TMEM38B: variants seen among roughly 807,000 people sequenced by gnomAD.
The protein encoded by TMEM38B is trimeric intracellular cation channel type B.
Under a neutral mutation model 28.7 loss-of-function variants are expected in TMEM38B, and 24 were observed. The observed-to-expected ratio is 0.84, with a 90% CI of 0.61 to 1.18. The LOEUF (loss-of-function observed/expected upper bound fraction) is 1.18. Among genes scored for constraint, TMEM38B ranks in the 50% most tolerant of loss-of-function variants. The pLI is 0.00. For synonymous variants in TMEM38B, 131 were observed against 127.7 expected (o/e 1.03, Z -0.17); for missense variants, 380 against 350.9 (o/e 1.08, Z -0.66).
intron 4 of TMEM38B, among the ~76,000 whole-genome samples, chr9:105,725,857 C>G (rs1191593807): frequency 2.6e-5 from 4 of 152,070 alleles, no homozygotes; most frequent in Admixed American, 2.0e-4. Context: ...TTAGTGTGCA[C>G]TACTGTAGAC....
At chr9:105,766,334 A>G (rs1052038982) in intron 5 of TMEM38B, among the ~76,000 whole-genome samples, 4 of 152,128 alleles carry the variant, frequency 2.6e-5, no homozygotes, top group Non-Finnish European at 5.9e-5. Flanking sequence ...ATCGCATTAT[A>G]GTTTTCTTTT....
chr9:105,728,873 T>G lies in TMEM38B; in HGVS notation c.542+6252T>G, dbSNP rs540950404. Among the ~76,000 whole-genome samples the G allele has an allele frequency of 1.7e-4, 26 of 152,358 alleles. No individual in the cohort carries two copies. In the East Asian group the frequency reaches 4.6e-3, roughly 27 times the overall value. ...CATATGTCTGTTGGCTGCATTAATGTCTTCTTTTGAGAAGGGTCTGTTCAT... is the reference window on the plus strand; with the variant it reads ...CATATGTCTGTTGGCTGCATTAATGGCTTCTTTTGAGAAGGGTCTGTTCAT... On this transcript the variant is annotated intron_variant, in intron 4 of 5. Transcript: ENST00000374692.
At chr9:105,748,250 C>A in intron 5 of TMEM38B, 60 bp downstream of exon 5, 1 of 1,236,160 alleles carries the variant, frequency 8.1e-7, no homozygotes, top group South Asian at 1.3e-5. Context: ...CCCTTTGATA[C>A]AATTTTGCAT....
intron 5 of TMEM38B, among the ~76,000 whole-genome samples, chr9:105,748,584 G>C (rs969155437): frequency 2.0e-5 from 3 of 152,146 alleles, no homozygotes; most frequent in Non-Finnish European, 4.4e-5. Flanking sequence ...CATATTTGTA[G>C]TCATTCTTTT....
chr9:105,757,879 A>G (rs1837889715), intron 5 of TMEM38B, among the ~76,000 whole-genome samples: 1 of 152,240 alleles, frequency 6.6e-6, no homozygotes, highest in Non-Finnish European at 1.5e-5. Flanking sequence ...GGGAGTATAA[A>G]CAGGAATAAA....
chr9:105,716,500 G>A (rs1836102697), intron 2 of TMEM38B, among the ~76,000 whole-genome samples: 1 of 152,116 alleles, frequency 6.6e-6, no homozygotes, highest in South Asian at 2.1e-4. Context: ...TCTTCTTTCT[G>A]CCAAGTAGTA....
intron 5 of TMEM38B, among the ~76,000 whole-genome samples, chr9:105,773,450 A>G (rs1477393046): frequency 2.0e-5 from 3 of 152,170 alleles, no homozygotes; most frequent in African/African-American, 7.2e-5. Flanking sequence ...TTAACCTCTC[A>G]GAGCCTTGGT....
intron 4 of TMEM38B, among the ~76,000 whole-genome samples, chr9:105,740,878 A>G (rs190769859): frequency 6.6e-6 from 1 of 152,352 alleles, no homozygotes; most frequent in Non-Finnish European, 1.5e-5. Flanking sequence ...CTGCATAAAT[A>G]TATTTTTACA....
At chr9:105,748,240 C>A in intron 5 of TMEM38B, 50 bp downstream of exon 5, 1 of 1,315,544 alleles carries the variant, frequency 7.6e-7, no homozygotes, top group South Asian at 1.3e-5. Flanking sequence ...ATAACTATTC[C>A]CCTTTGATAC....
chr9:105,774,224 AG>A lies in TMEM38B; in HGVS notation c.*147del, dbSNP rs761924081. 1.3e-5 allele frequency: 9 copies of A among 668,390 alleles called. No homozygotes were observed. Among genetic ancestry groups the A allele is most frequent in the Non-Finnish European group, 2.3e-5 (9 of 397,588 alleles). 41.4% of individuals were successfully genotyped at this position (668,390 alleles called of 1,614,324 possible). A position where few individuals can be genotyped will look rare whatever the true frequency, so the allele number is the denominator to read the frequency against. On this transcript the variant is annotated 3_prime_UTR_variant, in exon 6 of 6. Coordinates refer to ENST00000374692, the MANE Select transcript of TMEM38B (RefSeq NM_018112.3). ...CAGAAAGAAAGAAATTCTTTGTTTG[AG>A]GGAGACTTCCCCTTTCTGGATTGTA... is the stretch of plus-strand genomic sequence containing the variant.
At chr9:105,747,649 G>A (rs1293101950) in intron 4 of TMEM38B, among the ~76,000 whole-genome samples, 1 of 152,094 alleles carries the variant, frequency 6.6e-6, no homozygotes, top group Non-Finnish European at 1.5e-5. Flanking sequence ...TGCTTCTCTA[G>A]TTCTTTTAAT....
rs1011709119 is a variant in TMEM38B, at chr9:105,775,060, G to A, written c.*980G>A. On this transcript the variant is annotated 3_prime_UTR_variant, in exon 6 of 6. Transcript: ENST00000374692. ...CTTTTTTCTAGTGGCTACTGTTTTA[G>A]TTTTCTAGTTGAATATCTCTGACAA... 7 of 151,952 alleles carry A rather than the reference G, an allele frequency of 4.6e-5. No individual in the cohort carries two copies. Among genetic ancestry groups the A allele is most frequent in the Non-Finnish European group, 1.0e-4 (7 of 67,908 alleles). 9.4% of individuals were successfully genotyped at this position (151,952 alleles called of 1,614,324 possible). A position where few individuals can be genotyped will look rare whatever the true frequency, so the allele number is the denominator to read the frequency against.
chr9:105,740,688 CCT>C, intron 4 of TMEM38B, among the ~76,000 whole-genome samples: 1 of 152,260 alleles, frequency 6.6e-6, no homozygotes, highest in Middle Eastern at 3.4e-3. Context: ...CAAGTTGTCC[CCT>C]GTCCCCACAA....
chr9:105,709,782 G>A (rs1194417212), intron 2 of TMEM38B, among the ~76,000 whole-genome samples: 10 of 152,196 alleles, frequency 6.6e-5, no homozygotes, highest in Non-Finnish European at 1.3e-4. Flanking sequence ...CAATGATTAA[G>A]CAGAAAACAC....
chr9:105,763,424 C>G (rs1317266196), intron 5 of TMEM38B, among the ~76,000 whole-genome samples: 1 of 152,090 alleles, frequency 6.6e-6, no homozygotes, highest in Admixed American at 6.6e-5. Context: ...CACAGAAATA[C>G]AAACTACCAT....
intron 5 of TMEM38B, among the ~76,000 whole-genome samples, chr9:105,750,346 G>A (rs940169219): frequency 4.6e-5 from 7 of 151,816 alleles, no homozygotes; most frequent in East Asian, 1.9e-4. Flanking sequence ...GTTGAAGGCC[G>A]GGCACAGTGG....
chr9:105,716,885 A>G (rs575220226), intron 2 of TMEM38B, among the ~76,000 whole-genome samples: 8 of 152,348 alleles, frequency 5.3e-5, no homozygotes, highest in African/African-American at 1.2e-4. Flanking sequence ...TGTAATACAT[A>G]TGACATAAAA....
chr9:105,735,371 C>T (rs752330407), intron 4 of TMEM38B, among the ~76,000 whole-genome samples: 3 of 152,132 alleles, frequency 2.0e-5, no homozygotes, highest in African/African-American at 7.2e-5. Context: ...TTTGAAGTTA[C>T]TTCTAGTGGT....
chr9:105,749,866 C>T (rs535400213), intron 5 of TMEM38B, among the ~76,000 whole-genome samples: 5 of 152,250 alleles, frequency 3.3e-5, no homozygotes, highest in Non-Finnish European at 7.4e-5. Context: ...TGATTCATTT[C>T]TCTTGAGTAT....
Sources: gnomAD v4.1 joint callset for allele counts (sites outside exome capture counted in the v4.1 genomes callset) on GRCh38, gnomAD v4.1.1 for gene constraint, MANE v1.5 for transcripts, NCBI Gene and HGNC (gene_info 2026-07-23, HGNC 2026-07-21) for gene names.